The following PIK3CA variants were observed in gnomAD, a reference collection of about 807,000 sequenced individuals.
PIK3CA encodes the protein phosphatidylinositol-4,5-bisphosphate 3-kinase catalytic subunit alpha.
A neutral mutation model predicts 138.2 loss-of-function variants in PIK3CA; 27 were observed. The ratio of observed to expected loss-of-function variants is 0.20; its 90% CI spans 0.14 to 0.27. PIK3CA has a LOEUF of 0.27. PIK3CA is among the 10% of genes least tolerant of loss of function. PIK3CA has a pLI of 1.00. For missense variants in PIK3CA, 544 were observed against 1,277.4 expected (o/e 0.43, Z 8.75); for synonymous variants, 358 against 413.2 (o/e 0.87, Z 1.62).
rs1231592354 is a variant in PIK3CA, at chr3:179,203,683, T to C, written c.953T>C (p.Met318Thr). The change falls in exon 5 of 21, where the codon ATG becomes ACG. Residue 318 changes from methionine to threonine, a missense_variant. Met to Thr is a moderately conservative substitution (Grantham distance 81, BLOSUM62 -1). Transcript: ENST00000263967. ...SRRISTATPYMNGETSTKSLW... is the reference protein window; with the variant it reads ...SRRISTATPYTNGETSTKSLW... The stretch of plus-strand genomic sequence containing the variant: ...CGCATTTCCACAGCTACACCATATA[T>C]GAATGGAGAAACATCTACAAAATCC... The C allele has an allele frequency of 2.5e-6, 4 of 1,613,788 alleles. No homozygotes were observed. Among genetic ancestry groups the C allele is most frequent in the Non-Finnish European group, 3.4e-6 (4 of 1,179,952 alleles).
chr3:179,216,303 A>C (rs1373800040), intron 9 of PIK3CA, among the ~76,000 whole-genome samples: 1 of 152,206 alleles, frequency 6.6e-6, no homozygotes, highest in Non-Finnish European at 1.5e-5. Flanking sequence ...ATTCCACCAG[A>C]ATGACTTCAT....
chr3:179,176,677 C>T (rs527889851), intron 1 of PIK3CA, among the ~76,000 whole-genome samples: 1 of 152,164 alleles, frequency 6.6e-6, no homozygotes, highest in African/African-American at 2.4e-5. Context: ...CTATATAGTA[C>T]TCCATAAAAT....
chr3:179,204,151 C>T (rs1483146462), intron 5 of PIK3CA, among the ~76,000 whole-genome samples: 7 of 152,138 alleles, frequency 4.6e-5, no homozygotes. Context: ...ATATTAATGT[C>T]TTTATGAGGT....
In PIK3CA at chr3:179,187,821, T is replaced by G. The variant is rs559106957; in HGVS notation, c.-76-10929T>G. On this transcript the variant is annotated intron_variant, in intron 1 of 20. Transcript: ENST00000263967. ...CCTGGCTAATTTTTTGTATTTTTAGTAGAGATGGGGTTTCACCATGTTGGC... is the reference window on the plus strand; with the variant it reads ...CCTGGCTAATTTTTTGTATTTTTAGGAGAGATGGGGTTTCACCATGTTGGC... 7.9e-5 allele frequency among the ~76,000 whole-genome samples: 12 copies of G among 151,334 alleles called. No individual in the cohort carries two copies. In the East Asian group the frequency reaches 2.4e-3, roughly 30 times the overall value.
At chr3:179,202,661 C>A (rs967145510) in intron 4 of PIK3CA, among the ~76,000 whole-genome samples, 2 of 152,124 alleles carry the variant, frequency 1.3e-5, no homozygotes, top group Non-Finnish European at 2.9e-5. Context: ...TATTAAAAAT[C>A]TCGTCTTAAC....
chr3:179,182,537 A>C (rs941547909), intron 1 of PIK3CA, among the ~76,000 whole-genome samples: 4 of 152,132 alleles, frequency 2.6e-5, no homozygotes, highest in Non-Finnish European at 5.9e-5. Flanking sequence ...ATGGTAGCAC[A>C]CACAGGTAGT....
Position 179,198,839 on chromosome 3 carries a change from C to A in PIK3CA, c.14C>A (p.Pro5Gln). The change falls in exon 2 of 21, where the codon CCA (proline) becomes CAA (glutamine). Residue 5 changes from proline to glutamine, a missense_variant. Physicochemically the swap from Pro to Gln is moderately conservative, Grantham distance 76. Transcript: ENST00000263967. MPPRPSSGELWGIHL... is the reference protein window; with the variant it reads MPPRQSSGELWGIHL... The stretch of plus-strand genomic sequence containing the variant: ...AGAATCAGAACAATGCCTCCACGAC[C>A]ATCATCAGGTGAACTGTGGGGCATC... 1.3e-6 allele frequency: 2 copies of A among 1,543,144 alleles called. No individual in the cohort carries two copies. Among genetic ancestry groups the A allele is most frequent in the South Asian group, 1.2e-5 (1 of 80,808 alleles).
rs1725327640 is a variant in PIK3CA, at chr3:179,236,052, T to C, written c.*1688T>C. ...TATTGGAAAACAACTTTATAAAGAG[T>C]GAACATTGTATACTCTAGTAAAACA... On this transcript the variant is annotated 3_prime_UTR_variant, in exon 21 of 21. Coordinates refer to ENST00000263967, the MANE Select transcript of PIK3CA (RefSeq NM_006218.4). The C allele has an allele frequency of 4.8e-6, 1 of 207,074 alleles. No individual in the cohort carries two copies. Among genetic ancestry groups the C allele is most frequent in the East Asian group, 7.4e-5 (1 of 13,576 alleles). 12.8% of individuals were successfully genotyped at this position (207,074 alleles called of 1,614,324 possible).
upstream of PIK3CA, chr3:179,148,189 T>TG (rs1722901144): frequency 9.2e-6 from 1 of 109,230 alleles, no homozygotes; most frequent in African/African-American, 3.6e-5. Flanking sequence ...GCCGAGGGGG[T>TG]GGGGAAGAGT....
At chr3:179,149,961 A>C (rs1246221519) in intron 1 of PIK3CA, among the ~76,000 whole-genome samples, 3 of 152,034 alleles carry the variant, frequency 2.0e-5, no homozygotes, top group Non-Finnish European at 4.4e-5. Context: ...TTTCAAAGCA[A>C]CTACAGTCTT....
At chr3:179,209,153 TTTTAACAAATGCACACATTTCTGTGG>T (rs1206187993) in intron 6 of PIK3CA, among the ~76,000 whole-genome samples, 1 of 151,772 alleles carries the variant, frequency 6.6e-6, no homozygotes, top group Non-Finnish European at 1.5e-5. Context: ...TGTCTTCTGC[TTTTAACAAATGCACACATTTCTGTGG>T]TTTTATTCCT....
At position 179,230,509 on chromosome 3, in the gene PIK3CA, C is replaced by A; in HGVS notation, c.2936+133C>A. The A allele has an allele frequency of 1.4e-6, 1 of 712,930 alleles. No individual in the cohort carries two copies. The highest frequency in any genetic ancestry group is 2.3e-6 in the Non-Finnish European group (1 of 438,648). 44.2% of individuals were successfully genotyped at this position (712,930 alleles called of 1,614,324 possible). ...GTGGTTCATGCCTGTAATCCCAACT[C>A]TTTGGGAGGCCGAGGCTGGAGGATC... is the stretch of plus-strand genomic sequence containing the variant. On this transcript the variant is annotated intron_variant, in intron 20 of 20. Transcript: ENST00000263967. This position sits in a 1 kb window ranked among gnomAD's most constrained non-coding sequence, Gnocchi z 5.4.
At chr3:179,177,605 G>A (rs962145118) in intron 1 of PIK3CA, among the ~76,000 whole-genome samples, 53 of 152,168 alleles carry the variant, frequency 3.5e-4, no homozygotes, top group Middle Eastern at 6.8e-3. Context: ...GAGCCACCAC[G>A]CCCAGGCTAT....
intron 1 of PIK3CA, among the ~76,000 whole-genome samples, chr3:179,177,604 C>T (rs543951316): frequency 3.3e-5 from 5 of 152,102 alleles, no homozygotes; most frequent in East Asian, 1.9e-4. Context: ...TGAGCCACCA[C>T]GCCCAGGCTA....
chr3:179,170,076 GCACACACACA>G (rs60084117), intron 1 of PIK3CA, among the ~76,000 whole-genome samples: 1 of 139,210 alleles, frequency 7.2e-6, no homozygotes, highest in Non-Finnish European at 1.5e-5. Context: ...ACGCGCGCGC[GCACACACACA>G]CACACACACA....
intron 1 of PIK3CA, among the ~76,000 whole-genome samples, chr3:179,190,138 T>C (rs569278724): frequency 1.3e-5 from 2 of 152,320 alleles, no homozygotes; most frequent in East Asian, 3.9e-4. Flanking sequence ...TTGAGTGCTT[T>C]TGATTTTTCT....
intron 2 of PIK3CA, 74 bp from the exon 3 acceptor site, chr3:179,199,616 C>G (rs1053090463): frequency 4.6e-6 from 5 of 1,097,970 alleles, no homozygotes; most frequent in Non-Finnish European, 6.7e-6. Context: ...TACAGAGTTC[C>G]CTGTTTGCAA....
At chr3:179,174,916 C>T (rs7628855) in intron 1 of PIK3CA, among the ~76,000 whole-genome samples, 13,022 of 152,242 alleles carry the variant, frequency 0.086, 600 homozygotes, top group African/African-American at 0.11. Context: ...GGGCTTCAAT[C>T]CATCTTTGCA....
chr3:179,221,218 A>G, intron 14 of PIK3CA, 61 bp downstream of exon 14: 2 of 1,196,250 alleles, frequency 1.7e-6, no homozygotes, highest in Non-Finnish European at 2.5e-6. Context: ...AGTTGTTTAG[A>G]AGCCCAGTGT....
Sources: allele counts gnomAD v4.1 joint callset (sites outside exome capture counted in the v4.1 genomes callset), GRCh38; gene constraint gnomAD v4.1.1; non-coding constraint Gnocchi (gnomAD v3.1); transcripts MANE v1.5; gene names NCBI Gene and HGNC (gene_info 2026-07-23, HGNC 2026-07-21).